Variants in RANBP2 observed in about 807,000 individuals in gnomAD.
The protein encoded by RANBP2 is E3 SUMO-protein ligase RanBP2.
In RANBP2, 57 loss-of-function variants were observed where a neutral mutation model predicts 303.6. That is an observed-to-expected ratio of 0.19 (90% CI 0.15 to 0.23). RANBP2 has a LOEUF of 0.23. Among genes scored for constraint, RANBP2 ranks in the 10% least tolerant of loss-of-function variants. The pLI is 1.00. For synonymous variants in RANBP2, 1,167 were observed against 1,301.5 expected (o/e 0.90, Z 2.23); for missense variants, 3,138 against 3,780.8 (o/e 0.83, Z 4.46).
the RANBP2 span, among the ~76,000 whole-genome samples, chr2:109,282,186 T>C: frequency 6.6e-6 from 1 of 152,146 alleles, no homozygotes; most frequent in Non-Finnish European, 1.5e-5. Context: ...TCTTTTTATC[T>C]TGTTGCCATG....
At chr2:109,486,801 G>A in the RANBP2 span, among the ~76,000 whole-genome samples, 1 of 152,202 alleles carries the variant, frequency 6.6e-6, no homozygotes. Flanking sequence ...AGACATCCCA[G>A]CAGGGCGACA....
chr2:108,833,230 A>C, the RANBP2 span, among the ~76,000 whole-genome samples: 1 of 152,248 alleles, frequency 6.6e-6, no homozygotes, highest in Admixed American at 6.5e-5. Flanking sequence ...AGTGAATCCT[A>C]ATGTAAACTA....
At chr2:109,393,230 G>A in the RANBP2 span, among the ~76,000 whole-genome samples, 3 of 152,228 alleles carry the variant, frequency 2.0e-5, no homozygotes, top group Non-Finnish European at 4.4e-5. Flanking sequence ...AGGGTAAGGC[G>A]AACGCCCCAC....
At chr2:109,172,337 G>A in the RANBP2 span, among the ~76,000 whole-genome samples, 1 of 152,240 alleles carries the variant, frequency 6.6e-6, no homozygotes, top group South Asian at 2.1e-4. Flanking sequence ...AAATGCGCGA[G>A]CCAGCGGTCA....
the RANBP2 span, among the ~76,000 whole-genome samples, chr2:109,426,353 T>C: frequency 6.6e-6 from 1 of 152,214 alleles, no homozygotes; most frequent in Admixed American, 6.5e-5. Flanking sequence ...GAGGTCAAAA[T>C]ATCAACATTA....
At chr2:109,421,360 G>A in the RANBP2 span, among the ~76,000 whole-genome samples, 2 of 152,232 alleles carry the variant, frequency 1.3e-5, no homozygotes, top group East Asian at 1.9e-4. Context: ...TGTTCTATGA[G>A]AGCAAAGGCC....
At chr2:108,742,782 GTTC>G (rs1046141407) in intron 7 of RANBP2, among the ~76,000 whole-genome samples, 1 of 151,902 alleles carries the variant, frequency 6.6e-6, no homozygotes, top group African/African-American at 2.4e-5. Flanking sequence ...GTAACTGATA[GTTC>G]TTATTTTTAT....
At chr2:109,005,275 T>G in the RANBP2 span, among the ~76,000 whole-genome samples, 1 of 152,214 alleles carries the variant, frequency 6.6e-6, no homozygotes, top group Non-Finnish European at 1.5e-5. Context: ...TCTAAAATAC[T>G]GGGAATTCAT....
chr2:108,947,362 T>G, the RANBP2 span, among the ~76,000 whole-genome samples: 3 of 152,138 alleles, frequency 2.0e-5, no homozygotes, highest in Non-Finnish European at 4.4e-5. Context: ...TGTCGGTGGA[T>G]CTACCATTCT....
chr2:109,583,903 A>G, the RANBP2 span, among the ~76,000 whole-genome samples: 2 of 152,160 alleles, frequency 1.3e-5, no homozygotes, highest in Non-Finnish European at 2.9e-5. Flanking sequence ...ACCAAATACC[A>G]TATGTTCTCA....
the RANBP2 span, among the ~76,000 whole-genome samples, chr2:109,011,715 TC>T: frequency 6.6e-6 from 1 of 152,216 alleles, no homozygotes; most frequent in Non-Finnish European, 1.5e-5. Flanking sequence ...TCTTTTTCCC[TC>T]CTCTACTTTC....
chr2:109,264,688 G>A, the RANBP2 span, among the ~76,000 whole-genome samples: 1 of 152,328 alleles, frequency 6.6e-6, no homozygotes, highest in African/African-American at 2.4e-5. Flanking sequence ...GAGCCCAGTG[G>A]ATGCTAGATG....
At chr2:109,229,531 G>A in the RANBP2 span, among the ~76,000 whole-genome samples, 18 of 152,238 alleles carry the variant, frequency 1.2e-4, no homozygotes, top group Non-Finnish European at 1.0e-4. Context: ...TTGAGAGCCC[G>A]ATACGGGAGG....
At chr2:109,576,703 A>T in the RANBP2 span, among the ~76,000 whole-genome samples, 1 of 152,234 alleles carries the variant, frequency 6.6e-6, no homozygotes, top group African/African-American at 2.4e-5. Flanking sequence ...CCTCTATCTG[A>T]ATGTTTTGTC....
the RANBP2 span, among the ~76,000 whole-genome samples, chr2:109,662,355 T>C: frequency 6.6e-6 from 1 of 152,096 alleles, no homozygotes; most frequent in Admixed American, 6.5e-5. Context: ...GGCGCGATCT[T>C]GGCTCACTAC....
chr2:109,438,198 G>A, the RANBP2 span, among the ~76,000 whole-genome samples: 5 of 152,184 alleles, frequency 3.3e-5, no homozygotes, highest in Non-Finnish European at 5.9e-5. Flanking sequence ...TAGCTGATGG[G>A]ACAAGGGGTG....
intron 20 of RANBP2, among the ~76,000 whole-genome samples, chr2:108,768,633 G>A (rs568108240): frequency 2.6e-5 from 4 of 152,158 alleles, no homozygotes; most frequent in Non-Finnish European, 5.9e-5. Context: ...CAGAGCAAAA[G>A]AACTCGGTAC....
intron 9 of RANBP2, among the ~76,000 whole-genome samples, chr2:108,750,862 G>A (rs1675827713): frequency 6.6e-6 from 1 of 152,186 alleles, no homozygotes; most frequent in East Asian, 1.9e-4. Flanking sequence ...TAGAAAAACA[G>A]ATTTCTTTAC....
At chr2:108,980,878 G>A in the RANBP2 span, among the ~76,000 whole-genome samples, 63,160 of 152,004 alleles carry the variant, frequency 0.42, 16,945 homozygotes, top group South Asian at 0.63. Flanking sequence ...ACCAACCCCC[G>A]TGTAGCTGCC....
Sources: allele counts gnomAD v4.1 joint callset (sites outside exome capture counted in the v4.1 genomes callset), GRCh38; gene constraint gnomAD v4.1.1; transcripts MANE v1.5; gene names NCBI Gene and HGNC (gene_info 2026-07-23, HGNC 2026-07-21).